Variants in EXT1 observed in about 807,000 individuals in gnomAD.
EXT1 encodes exostosin glycosyltransferase 1, also known as exostosin-1.
Under a neutral mutation model 82.5 loss-of-function variants are expected in EXT1, and 20 were observed. The ratio of observed to expected loss-of-function variants is 0.24; its 90% CI spans 0.17 to 0.35. The LOEUF is 0.35. Among genes scored for constraint, EXT1 ranks in the 10% least tolerant of loss-of-function variants. The pLI, the probability that EXT1 is intolerant of heterozygous loss-of-function variation, is 1.00. For missense variants in EXT1, 757 were observed against 936.5 expected, an observed-to-expected ratio of 0.81 and a Z score of 2.50; for synonymous variants, 348 against 350.8, an observed-to-expected ratio of 0.99 and a Z score of 0.09.
At chr8:118,076,336 T>C (rs910817223) in intron 1 of EXT1, among the ~76,000 whole-genome samples, 2 of 152,278 alleles carry the variant, frequency 1.3e-5, no homozygotes, top group Admixed American at 1.3e-4. Context: ...AATCATTTTG[T>C]ACTTTCATTC....
At chr8:118,094,273 GAACAACATC>G (rs1027619239) in intron 1 of EXT1, among the ~76,000 whole-genome samples, 4 of 152,158 alleles carry the variant, frequency 2.6e-5, no homozygotes, top group African/African-American at 9.7e-5. Context: ...ACTCTCGGTT[GAACAACATC>G]TGGGAAATAA....
At chr8:117,990,767 C>G (rs999869633) in intron 1 of EXT1, among the ~76,000 whole-genome samples, 2 of 152,164 alleles carry the variant, frequency 1.3e-5, no homozygotes, top group Non-Finnish European at 2.9e-5. Context: ...CAAGTAACTG[C>G]CCAGTTTGCA....
chr8:118,038,119 C>T (rs1206850697), intron 1 of EXT1, among the ~76,000 whole-genome samples: 6 of 152,068 alleles, frequency 3.9e-5, no homozygotes, highest in African/African-American at 1.2e-4. Context: ...AGCCACTGCA[C>T]CCGGCCAAGA....
intron 1 of EXT1, among the ~76,000 whole-genome samples, chr8:117,866,934 C>CT (rs2129879680): frequency 6.6e-6 from 1 of 152,208 alleles, no homozygotes; most frequent in African/African-American, 2.4e-5. Context: ...GTTTACTTTC[C>CT]TTGCCTCTAA....
chr8:117,938,638 T>G (rs1814215167), intron 1 of EXT1, among the ~76,000 whole-genome samples: 1 of 152,214 alleles, frequency 6.6e-6, no homozygotes, highest in Non-Finnish European at 1.5e-5. Flanking sequence ...CTCCATAATC[T>G]ATAGCATAAC....
chr8:117,894,363 T>G (rs978241753), intron 1 of EXT1, among the ~76,000 whole-genome samples: 1 of 152,096 alleles, frequency 6.6e-6, no homozygotes, highest in Admixed American at 6.6e-5. Flanking sequence ...CTTGGAATAT[T>G]TCCCTCCATG....
chr8:117,867,650 A>C (rs919308627), intron 1 of EXT1, among the ~76,000 whole-genome samples: 1 of 151,626 alleles, frequency 6.6e-6, no homozygotes, highest in Non-Finnish European at 1.5e-5. Context: ...CTACAAAGAG[A>C]CTGTGACTCC....
chr8:117,942,156 T>G (rs1269435036), intron 1 of EXT1, among the ~76,000 whole-genome samples: 1 of 152,162 alleles, frequency 6.6e-6, no homozygotes, highest in Non-Finnish European at 1.5e-5. Context: ...CTTCTACTCT[T>G]TAAACTCAGC....
intron 1 of EXT1, among the ~76,000 whole-genome samples, chr8:117,923,134 C>T (rs1039897387): frequency 1.3e-5 from 2 of 151,564 alleles, no homozygotes; most frequent in Non-Finnish European, 2.9e-5. Context: ...AGACCAGCCT[C>T]GCCAACATGG....
intron 1 of EXT1, among the ~76,000 whole-genome samples, chr8:118,007,993 A>G (rs1472163311): frequency 1.3e-5 from 2 of 152,152 alleles, no homozygotes; most frequent in African/African-American, 4.8e-5. Context: ...GTTTTAAACC[A>G]TGTGAATTAC....
chr8:118,074,556 C>CGA (rs1004685289), intron 1 of EXT1, among the ~76,000 whole-genome samples: 12 of 144,946 alleles, frequency 8.3e-5, no homozygotes, highest in African/African-American at 1.1e-4. Flanking sequence ...TAGGGGGCTA[C>CGA]GAGAGAGAGA....
chr8:118,096,686 G>C, intron 1 of EXT1, among the ~76,000 whole-genome samples: 1 of 89,454 alleles, frequency 1.1e-5, no homozygotes, highest in Non-Finnish European at 2.5e-5. Context: ...GAGGGAGGGA[G>C]GGAGGGAAGG....
intron 1 of EXT1, among the ~76,000 whole-genome samples, chr8:117,855,519 T>C (rs1390520539): frequency 6.6e-6 from 1 of 152,192 alleles, no homozygotes; most frequent in Non-Finnish European, 1.5e-5. Context: ...AATGTGTGTG[T>C]TCTGACTATG....
intron 1 of EXT1, among the ~76,000 whole-genome samples, chr8:117,844,591 C>G (rs1009092988): frequency 6.6e-6 from 1 of 152,152 alleles, no homozygotes; most frequent in Non-Finnish European, 1.5e-5. Context: ...CAACTGGCCA[C>G]TGTTCCATCT....
At chr8:118,032,486 T>C (rs1017804043) in intron 1 of EXT1, among the ~76,000 whole-genome samples, 2 of 151,598 alleles carry the variant, frequency 1.3e-5, no homozygotes, top group African/African-American at 4.8e-5. Flanking sequence ...AGCTTCACAG[T>C]GTCTTTCACA....
At chr8:117,948,242 A>G (rs1209457744) in intron 1 of EXT1, among the ~76,000 whole-genome samples, 1 of 149,606 alleles carries the variant, frequency 6.7e-6, no homozygotes, top group African/African-American at 2.5e-5. Context: ...CTTGCAAGGA[A>G]GCACCAAGTT....
chr8:117,895,735 T>C (rs7825927), intron 1 of EXT1, among the ~76,000 whole-genome samples: 143,325 of 152,214 alleles, frequency 0.94, 67,879 homozygotes, highest in Non-Finnish European at 1. Context: ...TGTCTGGATG[T>C]TTTTGCTTTT....
At chr8:117,987,788 G>C (rs534647952) in intron 1 of EXT1, among the ~76,000 whole-genome samples, 5 of 152,128 alleles carry the variant, frequency 3.3e-5, no homozygotes, top group Non-Finnish European at 7.3e-5. Flanking sequence ...GGGGATGTGG[G>C]TTTAAATACT....
chr8:117,809,852 T>C (rs1316588315), intron 8 of EXT1, among the ~76,000 whole-genome samples: 3 of 152,134 alleles, frequency 2.0e-5, no homozygotes, highest in Admixed American at 2.0e-4. Flanking sequence ...ATGCAGCCTG[T>C]TGTCAAAGGA....
Sources: allele counts gnomAD v4.1 joint callset (sites outside exome capture counted in the v4.1 genomes callset), GRCh38; gene constraint gnomAD v4.1.1; transcripts MANE v1.5; gene names NCBI Gene and HGNC (gene_info 2026-07-23, HGNC 2026-07-21).